NAMPT: variants seen among roughly 807,000 people sequenced by gnomAD.
NAMPT encodes NAmPRTase.
In NAMPT, 7 loss-of-function variants were observed where a neutral mutation model predicts 58.7. The observed-to-expected ratio is 0.12, with a 90% CI of 0.07 to 0.22. NAMPT has a LOEUF of 0.22. NAMPT is among the 10% of genes least tolerant of loss of function. The pLI, the probability that NAMPT is intolerant of heterozygous loss-of-function variation, is 1.00. For missense variants in NAMPT, 271 were observed against 567.9 expected (o/e 0.48, Z 5.31); for synonymous variants, 145 against 198.1 (o/e 0.73, Z 2.25).
chr7:106,280,210 G>A (rs1190238201), intron 1 of NAMPT, among the ~76,000 whole-genome samples: 1 of 152,168 alleles, frequency 6.6e-6, no homozygotes, highest in Non-Finnish European at 1.5e-5. Context: ...AATTTGCCCA[G>A]TGTTTTTGGA....
chr7:106,282,725 G>A (rs1792790274), intron 1 of NAMPT, among the ~76,000 whole-genome samples: 1 of 152,100 alleles, frequency 6.6e-6, no homozygotes, highest in Non-Finnish European at 1.5e-5. Context: ...AATAACTTTC[G>A]TAGTGCTTAG....
intron 1 of NAMPT, among the ~76,000 whole-genome samples, chr7:106,277,802 G>A (rs1238043017): frequency 6.6e-6 from 1 of 152,172 alleles, no homozygotes; most frequent in Non-Finnish European, 1.5e-5. Flanking sequence ...ATCCTTATGA[G>A]TTTAAAATAC....
At position 106,251,086 on chromosome 7, in the gene NAMPT, A is replaced by T. The variant is rs1182108343; in HGVS notation, c.1473T>A (p.His491Gln). 1 of 1,536,352 alleles carries T rather than the reference A, an allele frequency of 6.5e-7. No individual in the cohort carries two copies. The highest frequency in any genetic ancestry group is 1.7e-5 in the Admixed American group (1 of 59,800). The part of the protein sequence containing the change: ...QLNIELEAAH[H>Q] ...AACACACACCCAGTCATAAAGCCTA[A>T]TGATGTGCTGCTTCCAGTTCAATAT... Residue 491 changes from histidine (H) to glutamine (Q), a missense_variant, in exon 11 of 11, where the codon CAT (histidine) becomes CAA (glutamine). Physicochemically the swap from His to Gln is conservative, Grantham distance 24. Around this residue, in one of 4 missense-constraint regions of NAMPT, gnomAD observed 143 missense variants for 331.1 expected, o/e 0.43. Coordinates refer to ENST00000222553, the MANE Select transcript of NAMPT (RefSeq NM_005746.3).
chr7:106,266,951 A>G (rs1216144536), intron 6 of NAMPT, among the ~76,000 whole-genome samples: 1 of 152,204 alleles, frequency 6.6e-6, no homozygotes, highest in Non-Finnish European at 1.5e-5. Flanking sequence ...CTGTCTTCTC[A>G]GTCTCCCCTA....
intron 2 of NAMPT, chr7:106,275,567 G>C (rs901453889): frequency 4.6e-5 from 7 of 152,408 alleles, no homozygotes; most frequent in African/African-American, 1.7e-4. Context: ...AGGACAAAAT[G>C]AGTTAAGACA....
intron 9 of NAMPT, 123 bp downstream of exon 9, chr7:106,254,241 G>C (rs879479312): frequency 9.5e-7 from 1 of 1,050,962 alleles, no homozygotes; most frequent in African/African-American, 1.6e-5. Flanking sequence ...AAGGTCAGTA[G>C]TACCCAACAA....
In NAMPT at chr7:106,284,953, A is replaced by G; in HGVS notation, c.-69T>C. 1 of 1,543,326 alleles carries G rather than the reference A, an allele frequency of 6.5e-7. No individual in the cohort carries two copies. On this transcript the variant is annotated 5_prime_UTR_variant, in exon 1 of 11. Transcript: ENST00000222553. ...GCGGCTGCGAGGAAGGAGAAAAATG[A>G]GCTTCACCGCGCTCCGTTGCTTAAG... is the stretch of plus-strand genomic sequence containing the variant.
At chr7:106,284,283 G>A (rs1586031322) in intron 1 of NAMPT, 1 of 152,124 alleles carries the variant, frequency 6.6e-6, no homozygotes, top group African/African-American at 2.4e-5. Flanking sequence ...CGGAGCCGCA[G>A]AGGACCGCGG....
chr7:106,263,526 C>T lies in NAMPT; in HGVS notation c.835G>A (p.Asp279Asn). 3 of 1,612,564 alleles carry T rather than the reference C, an allele frequency of 1.9e-6. No individual in the cohort carries two copies. The highest frequency in any genetic ancestry group is 1.3e-5 in the African/African-American group (1 of 74,958). The change falls in exon 7 of 11, where the codon GAT (aspartate) becomes AAT (asparagine). Residue 279 changes from aspartate to asparagine, a missense_variant. Asp to Asn is a conservative substitution (Grantham distance 23, BLOSUM62 1). Coordinates refer to ENST00000222553, the MANE Select transcript of NAMPT (RefSeq NM_005746.3). The part of the protein sequence containing the change: ...FSSVPVSVVS[D>N]SYDIYNACEK... ...CACGCATTATAAATGTCATAGCTATCGCTGACCACAGATACAGGCACTGAT... is the reference window on the plus strand; with the variant it reads ...CACGCATTATAAATGTCATAGCTATTGCTGACCACAGATACAGGCACTGAT...
chr7:106,280,496 T>C (rs1310181958), intron 1 of NAMPT, among the ~76,000 whole-genome samples: 3 of 152,194 alleles, frequency 2.0e-5, no homozygotes, highest in African/African-American at 7.2e-5. Flanking sequence ...CTAAAGAAAA[T>C]GGTTCTACAA....
At chr7:106,274,469 T>C (rs1792595780) in intron 3 of NAMPT, among the ~76,000 whole-genome samples, 1 of 152,018 alleles carries the variant, frequency 6.6e-6, no homozygotes, top group South Asian at 2.1e-4. Flanking sequence ...TTGGCTATAA[T>C]ATAACTTTTC....
At position 106,254,480 on chromosome 7, in the gene NAMPT, T is replaced by C; in HGVS notation, c.1114A>G (p.Met372Val). The change falls in exon 9 of 11, where the codon ATG becomes GTG. Residue 372 changes from methionine to valine, a missense_variant. Coordinates refer to ENST00000222553, the MANE Select transcript of NAMPT (RefSeq NM_005746.3). ...AAGGCAATATTTTCAATACTCCACA[T>C]TTTTTGTTTCATGCCTTCTACAATC... ...QEIVEGMKQK[M>V]WSIENIAFGS... 2 of 1,613,748 alleles carry C rather than the reference T, an allele frequency of 1.2e-6. No individual in the cohort carries two copies. The highest frequency in any genetic ancestry group is 1.7e-6 in the Non-Finnish European group (2 of 1,179,714).
Position 106,253,335 on chromosome 7 carries a change from T to C in NAMPT, c.1231-184A>G. On this transcript the variant is annotated intron_variant, in intron 9 of 10. Coordinates refer to ENST00000222553, the MANE Select transcript of NAMPT (RefSeq NM_005746.3). ...CACTTTAGCCTGTTTTGAAGGATAG[T>C]CGTTTGTAATAAAGAAAAAGTATGA... 1.2e-5 allele frequency: 7 copies of C among 584,756 alleles called. No individual in the cohort carries two copies. The South Asian group carries it at 1.6e-4, about 13-fold the overall frequency. The allele number at this position is 584,756 out of a possible 1,614,324, so 36.2% of individuals were successfully genotyped here.
upstream of NAMPT, chr7:106,285,140 C>A: frequency 1.6e-6 from 2 of 1,279,966 alleles, no homozygotes; most frequent in Non-Finnish European, 2.0e-6. Context: ...CTCGGTTCCC[C>A]CGCCTTCACC....
chr7:106,284,093 T>C (rs1459802075), intron 1 of NAMPT, among the ~76,000 whole-genome samples: 1 of 152,222 alleles, frequency 6.6e-6, no homozygotes, highest in Non-Finnish European at 1.5e-5. Context: ...TCGTGTTTCA[T>C]TTTCCTTTTC....
intron 8 of NAMPT, among the ~76,000 whole-genome samples, chr7:106,259,636 G>C (rs565292339): frequency 3.3e-5 from 5 of 152,158 alleles, no homozygotes; most frequent in African/African-American, 1.2e-4. Flanking sequence ...CGTTGGCCAG[G>C]ATGATCTTGA....
At chr7:106,260,658 G>A (rs1009909440) in intron 8 of NAMPT, among the ~76,000 whole-genome samples, 1 of 152,146 alleles carries the variant, frequency 6.6e-6, no homozygotes, top group Non-Finnish European at 1.5e-5. Context: ...TCATGTCTAG[G>A]TTTTGATTTA....
chr7:106,264,215 GATTATCTACTACGA>G lies in NAMPT; in HGVS notation c.744-612_744-599del, dbSNP rs1276303665. ...TAGGAAGTCATGTATTTTGTTTGCA[GATTATCTACTACGA>G]ATTAATATATGCCCAGGGAATAAGA... is the stretch of plus-strand genomic sequence containing the variant. On this transcript the variant is annotated intron_variant, in intron 6 of 10. Coordinates refer to ENST00000222553, the MANE Select transcript of NAMPT (RefSeq NM_005746.3). Among the ~76,000 whole-genome samples the G allele has an allele frequency of 2.6e-5, 4 of 152,080 alleles. No homozygotes were observed. The East Asian group carries it at 7.7e-4, about 29-fold the overall frequency.
intron 1 of NAMPT, 186 bp downstream of exon 1, chr7:106,284,642 G>T: frequency 1.9e-6 from 1 of 539,618 alleles, no homozygotes; most frequent in Non-Finnish European, 2.5e-6. Context: ...GCCACCTCCT[G>T]CCCACTGCGG....
Sources: allele counts gnomAD v4.1 joint callset (sites outside exome capture counted in the v4.1 genomes callset), GRCh38; gene constraint gnomAD v4.1.1; regional missense constraint gnomAD v4.1.1; transcripts MANE v1.5; gene names NCBI Gene and HGNC (gene_info 2026-07-23, HGNC 2026-07-21).